UBE2J1: variants seen among roughly 807,000 people sequenced by gnomAD.
UBE2J1 encodes the protein ubiquitin conjugating enzyme E2 J1, also known as ubiquitin-conjugating enzyme E2 J1.
UBE2J1 carries 17 observed loss-of-function variants against 42.1 expected under a neutral mutation model. The ratio of observed to expected loss-of-function variants is 0.40; its 90% confidence interval spans 0.28 to 0.61. The LOEUF is 0.61. UBE2J1 is among the 20% of genes least tolerant of loss of function. UBE2J1 has a pLI of 0.38. For synonymous variants in UBE2J1, 127 were observed against 137.2 expected, an observed-to-expected ratio of 0.93 and a Z score of 0.52; for missense variants, 291 against 389.4, an observed-to-expected ratio of 0.75 and a Z score of 2.13.
intron 1 of UBE2J1, among the ~76,000 whole-genome samples, chr6:89,344,974 A>T (rs1362799104): frequency 6.6e-6 from 1 of 152,226 alleles, no homozygotes; most frequent in Non-Finnish European, 1.5e-5. Flanking sequence ...ATGTCAGGAT[A>T]CTGCAGTGGG....
At chr6:89,334,758 G>A (rs1359503338) in intron 6 of UBE2J1, among the ~76,000 whole-genome samples, 1 of 152,114 alleles carries the variant, frequency 6.6e-6, no homozygotes, top group Non-Finnish European at 1.5e-5. Context: ...GTGAGCCACC[G>A]CGCCCGGCCA....
chr6:89,338,673 T>TGG (rs1768163400), intron 3 of UBE2J1, 130 bp from the exon 4 acceptor site: 2 of 298,592 alleles, frequency 6.7e-6, no homozygotes, highest in Admixed American at 1.2e-4. Context: ...TTTTTTTTTT[T>TGG]TTTTTTTTTT....
At position 89,351,066 on chromosome 6, in the gene UBE2J1, T is replaced by A. The variant is rs533697385; in HGVS notation, c.31+1473A>T. Among the ~76,000 whole-genome samples, 4 of 135,100 alleles carry A rather than the reference T, an allele frequency of 3.0e-5. No individual in the cohort carries two copies. In the South Asian group the frequency reaches 9.4e-4, roughly 32 times the overall value. 88.6% of individuals were successfully genotyped at this position (135,100 alleles called of 152,430 possible). On this transcript the variant is annotated intron_variant, in intron 1 of 7. Coordinates refer to ENST00000435041, the MANE Select transcript of UBE2J1 (RefSeq NM_016021.3). The stretch of plus-strand genomic sequence containing the variant: ...TCTTCCTCCCTCCCCACCCCGGGAT[T>A]CTCTTTTTTTTTTTTTTTTTTTTTT...
chr6:89,344,282 A>G (rs1222727997), intron 1 of UBE2J1, among the ~76,000 whole-genome samples: 1 of 152,154 alleles, frequency 6.6e-6, no homozygotes, highest in Non-Finnish European at 1.5e-5. Flanking sequence ...ACACCTCTAT[A>G]TCCTCCAACT....
intron 3 of UBE2J1, among the ~76,000 whole-genome samples, chr6:89,339,520 GGGAA>G: frequency 8.1e-4 from 1 of 1,240 alleles, no homozygotes; most frequent in African/African-American, 4.3e-3. Flanking sequence ...GAGGGGAGGG[GGGAA>G]GGGAGGGAAG....
intron 3 of UBE2J1, among the ~76,000 whole-genome samples, chr6:89,338,826 T>C (rs924737126): frequency 5.9e-5 from 9 of 151,988 alleles, no homozygotes; most frequent in East Asian, 3.9e-4. Context: ...CCACCAGGCC[T>C]GGCTAATGTT....
At chr6:89,340,764 ATT>A (rs1768229469) in intron 3 of UBE2J1, among the ~76,000 whole-genome samples, 1 of 150,530 alleles carries the variant, frequency 6.6e-6, no homozygotes, top group Non-Finnish European at 1.5e-5. Context: ...TTATTTATTT[ATT>A]TATTTATGTT....
intron 1 of UBE2J1, among the ~76,000 whole-genome samples, chr6:89,351,297 C>G (rs1768475605): frequency 6.6e-6 from 1 of 151,682 alleles, no homozygotes; most frequent in Non-Finnish European, 1.5e-5. Flanking sequence ...GGCCAGGCTG[C>G]TCTCCACCTC....
At position 89,329,914 on chromosome 6, in the gene UBE2J1, G is replaced by A. The variant is rs768352070; in HGVS notation, c.722C>T (p.Thr241Ile). The change falls in exon 8 of 8, where the codon ACC (threonine) becomes ATC (isoleucine). Residue 241 changes from threonine to isoleucine, a missense_variant. Thr to Ile is a moderately conservative substitution (Grantham distance 89). This residue lies in a region of UBE2J1 where 176 missense variants were observed against 196.3 expected (regional missense o/e 0.90). Coordinates refer to ENST00000435041, the MANE Select transcript of UBE2J1 (RefSeq NM_016021.3). The stretch of plus-strand genomic sequence containing the variant: ...GGAGGTATTCTTAGCTACAGGTTGG[G>A]TAGGTTGATGAAAGGATGCTGCTGA... Reference protein sequence around the residue: ...NSSAASFHQPTQPVAKNTSMS... With the variant: ...NSSAASFHQPIQPVAKNTSMS... 2.5e-6 allele frequency: 4 copies of A among 1,614,100 alleles called. No homozygotes were observed. The highest frequency in any genetic ancestry group is 1.3e-5 in the African/African-American group (1 of 75,030).
chr6:89,342,353 T>TG lies in UBE2J1; in HGVS notation c.207dup (p.Met70HisfsTer12), dbSNP rs750587956. The TG allele has an allele frequency of 6.2e-7, 1 of 1,614,142 alleles. No individual in the cohort carries two copies. Among genetic ancestry groups the TG allele is most frequent in the South Asian group, 1.1e-5 (1 of 91,084 alleles). ...AGGAGAATAATGCTTGGTGGTTTCA[T>TG]GGGATACTCTGGTGGCAGTACTATC... On this transcript the variant is annotated frameshift_variant, in exon 3 of 8. Transcript: ENST00000435041. LOFTEE classifies it high-confidence loss of function.
intron 6 of UBE2J1, among the ~76,000 whole-genome samples, chr6:89,333,659 G>T (rs1768050255): frequency 6.6e-6 from 1 of 152,222 alleles, no homozygotes; most frequent in East Asian, 1.9e-4. Context: ...AGATCGCACG[G>T]CAGGTTAGTT....
At chr6:89,347,527 G>C (rs1470083895) in intron 1 of UBE2J1, among the ~76,000 whole-genome samples, 1 of 152,142 alleles carries the variant, frequency 6.6e-6, no homozygotes, top group Non-Finnish European at 1.5e-5. Flanking sequence ...TAAAGGGTCA[G>C]AATTGTTATA....
At chr6:89,335,225 C>T in intron 6 of UBE2J1, 77 bp downstream of exon 6, 1 of 1,310,816 alleles carries the variant, frequency 7.6e-7, no homozygotes, top group Non-Finnish European at 1.0e-6. Flanking sequence ...AGAACTGCAT[C>T]GCTTTCCTTT....
At chr6:89,348,083 C>G (rs1239004304) in intron 1 of UBE2J1, among the ~76,000 whole-genome samples, 1 of 152,214 alleles carries the variant, frequency 6.6e-6, no homozygotes, top group African/African-American at 2.4e-5. Context: ...CGGGCTACAG[C>G]ATAGTCTGCC....
intron 1 of UBE2J1, among the ~76,000 whole-genome samples, chr6:89,350,585 T>C (rs1012424636): frequency 6.6e-6 from 1 of 152,086 alleles, no homozygotes; most frequent in African/African-American, 2.4e-5. Flanking sequence ...TTAAGAAGCA[T>C]TGTGTTTTTT....
intron 1 of UBE2J1, among the ~76,000 whole-genome samples, chr6:89,346,111 G>A (rs566363598): frequency 5.9e-5 from 9 of 152,008 alleles, no homozygotes; most frequent in Admixed American, 1.3e-4. Flanking sequence ...GGCTGGTCTC[G>A]GGCAATCCTC....
chr6:89,345,861 C>T (rs1049361873), intron 1 of UBE2J1, among the ~76,000 whole-genome samples: 8 of 150,918 alleles, frequency 5.3e-5, no homozygotes, highest in Admixed American at 2.0e-4. Context: ...GAGCTGAGAT[C>T]GTGCTGTTGC....
At chr6:89,343,246 C>T (rs942025857) in intron 2 of UBE2J1, among the ~76,000 whole-genome samples, 1 of 151,998 alleles carries the variant, frequency 6.6e-6, no homozygotes, top group African/African-American at 2.4e-5. Context: ...ACCAGCCTGA[C>T]CAACATGGTG....
At chr6:89,352,226 C>T (rs1768498247) in intron 1 of UBE2J1, among the ~76,000 whole-genome samples, 1 of 152,246 alleles carries the variant, frequency 6.6e-6, no homozygotes, top group Non-Finnish European at 1.5e-5. Flanking sequence ...GACTATCGCC[C>T]ACCGACATCA....
Sources: gnomAD v4.1 joint callset for allele counts (sites outside exome capture counted in the v4.1 genomes callset) on GRCh38, gnomAD v4.1.1 for gene constraint, gnomAD v4.1.1 regional missense constraint, MANE v1.5 for transcripts, NCBI Gene and HGNC (gene_info 2026-07-23, HGNC 2026-07-21) for gene names.